Variants in EPB41L5 observed in about 807,000 individuals in gnomAD.
EPB41L5 encodes erythrocyte membrane protein band 4.1 like 5, also known as band 4.1-like protein 5.
A neutral mutation model predicts 106.6 loss-of-function variants in EPB41L5; 55 were observed. The ratio of observed to expected loss-of-function variants is 0.52; its 90% CI spans 0.42 to 0.65. The LOEUF (loss-of-function observed/expected upper bound fraction) is 0.65. EPB41L5 is among the 30% of genes least tolerant of loss of function. EPB41L5 has a pLI of 0.00. For missense variants in EPB41L5, 871 were observed against 882.1 expected, an observed-to-expected ratio of 0.99 and a Z score of 0.16; for synonymous variants, 297 against 306.7, an observed-to-expected ratio of 0.97 and a Z score of 0.33.
chr2:120,173,977 C>T (rs1687815987), intron 24 of EPB41L5, among the ~76,000 whole-genome samples: 1 of 152,228 alleles, frequency 6.6e-6, no homozygotes, highest in South Asian at 2.1e-4. Flanking sequence ...CCTTACCCAG[C>T]GTGTTTTCAG....
rs1002008130 is a variant in EPB41L5 at position 120,127,865 on chromosome 2, C to T, written c.1501+14C>T. On this transcript the variant is annotated intron_variant, in intron 17 of 24. Transcript: ENST00000263713. ...TTGAATATGAGAGTAAGTAAATGTT[C>T]CATTATACATCAGTGATACCTTTTT... 2 of 1,582,034 alleles carry T rather than the reference C, an allele frequency of 1.3e-6. No individual in the cohort carries two copies. Among genetic ancestry groups the T allele is most frequent in the Non-Finnish European group, 8.6e-7 (1 of 1,158,244 alleles).
At chr2:120,051,735 C>T (rs1680302207) in intron 3 of EPB41L5, among the ~76,000 whole-genome samples, 1 of 152,194 alleles carries the variant, frequency 6.6e-6, no homozygotes, top group Non-Finnish European at 1.5e-5. Flanking sequence ...CCCAGTACCT[C>T]AGTTGGAAAT....
At chr2:120,129,335 C>CA (rs759787102) in intron 17 of EPB41L5, among the ~76,000 whole-genome samples, 6,713 of 88,810 alleles carry the variant, frequency 0.076, 225 homozygotes, top group Non-Finnish European at 0.12. Flanking sequence ...GACTCTGTCT[C>CA]AAAAAAAAAA....
intron 20 of EPB41L5, among the ~76,000 whole-genome samples, chr2:120,153,971 T>C (rs1686789747): frequency 6.6e-6 from 1 of 152,204 alleles, no homozygotes; most frequent in Non-Finnish European, 1.5e-5. Flanking sequence ...GTAATTTTAC[T>C]TTAATCCACT....
intron 3 of EPB41L5, 72 bp from the exon 4 acceptor site, chr2:120,073,106 A>T: frequency 7.4e-7 from 1 of 1,359,466 alleles, no homozygotes; most frequent in Non-Finnish European, 1.0e-6. Flanking sequence ...AATGAAAAGT[A>T]ACTTTTAGTA....
intron 21 of EPB41L5, among the ~76,000 whole-genome samples, chr2:120,161,343 A>C (rs1433507486): frequency 6.7e-6 from 1 of 149,830 alleles, no homozygotes; most frequent in East Asian, 2.0e-4. Flanking sequence ...ACACTACTGC[A>C]CTCCAGCCTG....
At chr2:120,137,132 A>G (rs1685957498) in intron 18 of EPB41L5, among the ~76,000 whole-genome samples, 1 of 152,162 alleles carries the variant, frequency 6.6e-6, no homozygotes, top group Non-Finnish European at 1.5e-5. Context: ...CAGTGGGTCA[A>G]TGAAGAAGTA....
intron 10 of EPB41L5, among the ~76,000 whole-genome samples, chr2:120,082,385 T>G (rs1334035061): frequency 9.2e-5 from 14 of 152,172 alleles, no homozygotes; most frequent in Non-Finnish European, 1.8e-4. Flanking sequence ...TTGTCATTAG[T>G]TCTGTTTATA....
chr2:120,104,942 A>G (rs369712885), intron 16 of EPB41L5: 1 of 976,480 alleles, frequency 1.0e-6, no homozygotes, highest in Non-Finnish European at 1.2e-6. Flanking sequence ...GGTTAACTGA[A>G]TGGTTACATT....
In EPB41L5 at chr2:120,075,513, A is replaced by G. The variant is rs755326027; in HGVS notation, c.445A>G (p.Ser149Gly). Residue 149 changes from serine to glycine, a missense_variant, in exon 6 of 25, where the codon AGT becomes GGT. By Grantham distance (56) the Ser-to-Gly change is moderately conservative. Coordinates refer to ENST00000263713, the MANE Select transcript of EPB41L5 (RefSeq NM_020909.4). The stretch of plus-strand genomic sequence containing the variant: ...TCTTCAGTTAAAACAAGATATTCTC[A>G]GTGGAAAGTGAGTATTAGTTATTTA... ...FVLQLKQDIL[S>G]GKLDCPFDTA... The G allele has an allele frequency of 2.0e-5, 32 of 1,566,428 alleles. No homozygotes were observed. Among genetic ancestry groups the G allele is most frequent in the Admixed American group, 3.4e-5 (2 of 59,432 alleles).
At chr2:120,039,013 T>C (rs112985464) in intron 2 of EPB41L5, among the ~76,000 whole-genome samples, 63 of 152,320 alleles carry the variant, frequency 4.1e-4, no homozygotes, top group African/African-American at 1.4e-3. Context: ...AATTTTGATA[T>C]ATTTTGCAAT....
chr2:120,075,191 C>T lies in EPB41L5; in HGVS notation c.408-285C>T, dbSNP rs574248651. On this transcript the variant is annotated intron_variant, in intron 5 of 24. Coordinates refer to ENST00000263713, the MANE Select transcript of EPB41L5 (RefSeq NM_020909.4). ...GTAGGGTGATTATAGTTTACAATTACGTATTTTACATTTCAGAATAGCTAG... is the reference window on the plus strand; with the variant it reads ...GTAGGGTGATTATAGTTTACAATTATGTATTTTACATTTCAGAATAGCTAG... 4.6e-5 allele frequency among the ~76,000 whole-genome samples: 7 copies of T among 152,226 alleles called. No homozygotes were observed. The East Asian group carries it at 5.8e-4, about 13-fold the overall frequency.
At chr2:120,139,255 C>T (rs1414011597) in intron 18 of EPB41L5, among the ~76,000 whole-genome samples, 2 of 152,036 alleles carry the variant, frequency 1.3e-5, no homozygotes, top group African/African-American at 4.8e-5. Context: ...CTCTCTAAAA[C>T]ATCAGTCTAT....
intron 18 of EPB41L5, among the ~76,000 whole-genome samples, chr2:120,135,516 A>G (rs559407511): frequency 4.9e-4 from 75 of 152,320 alleles, no homozygotes; most frequent in East Asian, 3.9e-4. Context: ...CCAAATGTCA[A>G]TGTTAAAGAA....
intron 20 of EPB41L5, among the ~76,000 whole-genome samples, chr2:120,159,363 C>A (rs1351180688): frequency 2.1e-5 from 3 of 145,350 alleles, no homozygotes; most frequent in Non-Finnish European, 3.0e-5. Flanking sequence ...GTGGAGCTTG[C>A]AGCAAGCCGA....
intron 14 of EPB41L5, among the ~76,000 whole-genome samples, chr2:120,098,206 T>TTTG (rs879272833): frequency 1.2e-5 from 1 of 82,410 alleles, no homozygotes; most frequent in Non-Finnish European, 2.5e-5. Flanking sequence ...GGGGTGGGGT[T>TTTG]TTGTTGTTGT....
At chr2:120,013,477 G>T (rs922120850) in intron 1 of EPB41L5, 1 of 152,224 alleles carries the variant, frequency 6.6e-6, no homozygotes, top group South Asian at 2.1e-4. Context: ...AGGGCCCGGG[G>T]CAGCCGGGTT....
chr2:120,065,130 C>T (rs779258722), intron 3 of EPB41L5, among the ~76,000 whole-genome samples: 2 of 152,126 alleles, frequency 1.3e-5, no homozygotes, highest in South Asian at 2.1e-4. Flanking sequence ...TATGTACTTA[C>T]ATTTTAGAGA....
At chr2:120,151,771 CAT>C (rs1491482751) in intron 20 of EPB41L5, among the ~76,000 whole-genome samples, 2 of 152,020 alleles carry the variant, frequency 1.3e-5, no homozygotes, top group East Asian at 3.9e-4. Context: ...CACCTGCCAC[CAT>C]GCCCAGCTAA....
Sources: gnomAD v4.1 joint callset for allele counts (sites outside exome capture counted in the v4.1 genomes callset) on GRCh38, gnomAD v4.1.1 for gene constraint, MANE v1.5 for transcripts, NCBI Gene and HGNC (gene_info 2026-07-23, HGNC 2026-07-21) for gene names.